The following TTC7B variants were observed in gnomAD, a reference collection of about 807,000 sequenced individuals.
The protein encoded by TTC7B is tetratricopeptide repeat protein 7B.
TTC7B carries 28 observed loss-of-function variants against 106.8 expected under a neutral mutation model. That is an observed-to-expected ratio of 0.26 (90% CI 0.19 to 0.36). TTC7B has a LOEUF of 0.36. TTC7B is among the 10% of genes least tolerant of loss of function. TTC7B has a pLI of 1.00. For missense variants in TTC7B, 862 were observed against 1,076.4 expected (o/e 0.80, Z 2.79); for synonymous variants, 405 against 430.6 (o/e 0.94, Z 0.74).
At chr14:90,552,485 G>A (rs1456776116) in intron 19 of TTC7B, among the ~76,000 whole-genome samples, 2 of 152,202 alleles carry the variant, frequency 1.3e-5, no homozygotes, top group Non-Finnish European at 2.9e-5. Flanking sequence ...CCTCTCCCCA[G>A]TGACATGATG....
At chr14:90,593,774 A>G (rs1240898536) in intron 17 of TTC7B, 148 bp from the exon 18 acceptor site, 1 of 767,230 alleles carries the variant, frequency 1.3e-6, no homozygotes, top group African/African-American at 1.8e-5. Flanking sequence ...AACGCGGGCA[A>G]TCACGGCCCG....
intron 19 of TTC7B, among the ~76,000 whole-genome samples, chr14:90,555,300 T>C (rs1890255676): frequency 2.6e-5 from 4 of 152,160 alleles, no homozygotes; most frequent in Admixed American, 2.6e-4. Flanking sequence ...CTGTTCTCTG[T>C]CAGTCTGCCT....
At chr14:90,615,251 T>C (rs1381600519) in intron 16 of TTC7B, among the ~76,000 whole-genome samples, 1 of 152,164 alleles carries the variant, frequency 6.6e-6, no homozygotes, top group Non-Finnish European at 1.5e-5. Flanking sequence ...GGGTCTATTC[T>C]CAATTTGGCC....
rs1397774453 is a variant in TTC7B, at chr14:90,802,292, GA to G, written c.121+13882del. Among the ~76,000 whole-genome samples, 2 of 152,134 alleles carry G rather than the reference GA, an allele frequency of 1.3e-5. No homozygotes were observed. The highest frequency in any genetic ancestry group is 4.8e-5 in the African/African-American group (2 of 41,440). On this transcript the variant is annotated intron_variant, in intron 1 of 19. Transcript: ENST00000328459. This position sits in a 1 kb window ranked among gnomAD's most constrained non-coding sequence, Gnocchi z 4.7. ...CCTTAGACAGCGATGGGGGTTCAGG[GA>G]GCCTTTAGCAGGGAAGTCTAGGGTG... is the stretch of plus-strand genomic sequence containing the variant.
At chr14:90,549,904 C>A (rs1890004492) in intron 19 of TTC7B, among the ~76,000 whole-genome samples, 1 of 152,060 alleles carries the variant, frequency 6.6e-6, no homozygotes, top group South Asian at 2.1e-4. Context: ...CAGCTCTCAG[C>A]AATATTAGGA....
At chr14:90,639,870 G>A (rs908333599) in intron 15 of TTC7B, among the ~76,000 whole-genome samples, 1 of 152,200 alleles carries the variant, frequency 6.6e-6, no homozygotes, top group African/African-American at 2.4e-5. Context: ...CGTGCAACAA[G>A]GAGGAGCCTC....
intron 5 of TTC7B, among the ~76,000 whole-genome samples, chr14:90,701,690 G>GTA (rs71461917): frequency 0.21 from 15,866 of 77,310 alleles, 951 homozygotes; most frequent in Non-Finnish European, 0.28. Flanking sequence ...CAAAAGAAAC[G>GTA]TATATATATA....
At chr14:90,708,065 G>A (rs775460214) in intron 5 of TTC7B, among the ~76,000 whole-genome samples, 1 of 143,462 alleles carries the variant, frequency 7.0e-6, no homozygotes, top group Non-Finnish European at 1.5e-5. Context: ...AGAACAGCTA[G>A]AACCCAGGAG....
At chr14:90,779,263 T>C (rs1368851833) in intron 3 of TTC7B, among the ~76,000 whole-genome samples, 1 of 152,238 alleles carries the variant, frequency 6.6e-6, no homozygotes, top group African/African-American at 2.4e-5. Flanking sequence ...CCCTAGCTTT[T>C]ACTATTTGCT....
Position 90,737,063 on chromosome 14 carries a change from T to C in TTC7B, c.577-6867A>G, listed in dbSNP as rs560709978. Among the ~76,000 whole-genome samples the C allele has an allele frequency of 8.5e-5, 13 of 152,132 alleles. No individual in the cohort carries two copies. The South Asian group carries it at 2.7e-3, about 32-fold the overall frequency. On this transcript the variant is annotated intron_variant, in intron 4 of 19. Coordinates refer to ENST00000328459, the MANE Select transcript of TTC7B (RefSeq NM_001010854.2). ...ATAATCAGATTCAACTATATACAGA[T>C]TCAAAATTTATGAGCAACTTAAACA...
chr14:90,705,695 C>A lies in TTC7B; in HGVS notation c.699-10117G>T, dbSNP rs993676318. On this transcript the variant is annotated intron_variant, in intron 5 of 19. Transcript: ENST00000328459. ...CATTCACCACATGCCAATGAACAGCCCCCTCCAACTAAAAGTAACAACTAC... is the reference window on the plus strand; with the variant it reads ...CATTCACCACATGCCAATGAACAGCACCCTCCAACTAAAAGTAACAACTAC... Among the ~76,000 whole-genome samples, 7 of 152,260 alleles carry A rather than the reference C, an allele frequency of 4.6e-5. 1 individual carries two copies. In the South Asian group the frequency reaches 6.2e-4, roughly 14 times the overall value.
chr14:90,784,687 CTGAA>C (rs754696256), intron 2 of TTC7B, among the ~76,000 whole-genome samples: 67 of 152,210 alleles, frequency 4.4e-4, no homozygotes, highest in Middle Eastern at 6.8e-3. Flanking sequence ...TACAGAGAAA[CTGAA>C]TGGGGAAAGA....
rs1022325545 is a variant in TTC7B, at chr14:90,549,529, G to A, written c.2311-7940C>T. Among the ~76,000 whole-genome samples the A allele has an allele frequency of 3.3e-5, 5 of 152,210 alleles. No homozygotes were observed. The South Asian group carries it at 8.3e-4, about 25-fold the overall frequency. Reference sequence around the variant, plus strand: ...GTGCTGGCCACAGATGGCACACTGGGGGCTCAGGGTGTAGGTGAGGGGCCT... The same window carrying A: ...GTGCTGGCCACAGATGGCACACTGGAGGCTCAGGGTGTAGGTGAGGGGCCT... On this transcript the variant is annotated intron_variant, in intron 19 of 19. Transcript: ENST00000328459.
intron 16 of TTC7B, among the ~76,000 whole-genome samples, chr14:90,614,254 A>T (rs1334673649): frequency 6.6e-6 from 1 of 152,188 alleles, no homozygotes; most frequent in Non-Finnish European, 1.5e-5. Context: ...AGATCACACG[A>T]CCTTGGCCCA....
chr14:90,780,778 G>C lies in TTC7B; in HGVS notation c.405C>G (p.Pro135=). 1.2e-6 allele frequency: 2 copies of C among 1,614,260 alleles called. No individual in the cohort carries two copies. Among genetic ancestry groups the C allele is most frequent in the Middle Eastern group, 3.3e-4 (2 of 6,060 alleles). ...LDDLPLTAVP[P]YRLRVIAEAY... Reference sequence around the variant, plus strand: ...CTTCTGCGATCACCCGCAGCCTGTAGGGCGGGACAGCTGTCAGTGGCAGAT... The same window carrying C: ...CTTCTGCGATCACCCGCAGCCTGTACGGCGGGACAGCTGTCAGTGGCAGAT... Residue 135 remains proline, a synonymous_variant, in exon 3 of 20, where the codon CCC becomes CCG. Coordinates refer to ENST00000328459, the MANE Select transcript of TTC7B (RefSeq NM_001010854.2).
intron 5 of TTC7B, among the ~76,000 whole-genome samples, chr14:90,720,088 A>G (rs1159244935): frequency 6.6e-6 from 1 of 151,646 alleles, no homozygotes; most frequent in African/African-American, 2.4e-5. Context: ...GTGGCCCAAG[A>G]CAATTCTTCT....
chr14:90,638,059 T>C (rs1487434939), intron 15 of TTC7B, among the ~76,000 whole-genome samples: 1 of 150,790 alleles, frequency 6.6e-6, no homozygotes, highest in Admixed American at 6.6e-5. Context: ...CCTTTTTTTT[T>C]TTTTATCTAG....
chr14:90,564,836 G>C (rs1042849259), intron 19 of TTC7B, among the ~76,000 whole-genome samples: 1 of 152,176 alleles, frequency 6.6e-6, no homozygotes, highest in African/African-American at 2.4e-5. Context: ...ACTTGAGCCC[G>C]GGAGTTCAAG....
chr14:90,548,546 G>A (rs1329600263), intron 19 of TTC7B, among the ~76,000 whole-genome samples: 1 of 152,248 alleles, frequency 6.6e-6, no homozygotes, highest in Non-Finnish European at 1.5e-5. Flanking sequence ...TGTGACAGGT[G>A]CCACATTAAT....
Sources: gnomAD v4.1 joint callset for allele counts (sites outside exome capture counted in the v4.1 genomes callset) on GRCh38, gnomAD v4.1.1 for gene constraint, Gnocchi (gnomAD v3.1) non-coding constraint, MANE v1.5 for transcripts, NCBI Gene and HGNC (gene_info 2026-07-23, HGNC 2026-07-21) for gene names.